PRSS12: variants seen among roughly 807,000 people sequenced by gnomAD.
PRSS12 encodes the protein serine protease 12, also known as neurotrypsin.
A neutral mutation model predicts 104.4 loss-of-function variants in PRSS12; 85 were observed. That is an observed-to-expected ratio of 0.81 (90% confidence interval 0.68 to 0.98). The LOEUF (loss-of-function observed/expected upper bound fraction) is 0.98, where lower values mean the gene tolerates loss of function less well. Ranked by LOEUF, PRSS12 falls within the 50% of genes least tolerant of loss-of-function variation. The pLI, the probability that PRSS12 is intolerant of heterozygous loss-of-function variation, is 0.00. For synonymous variants in PRSS12, 454 were observed against 425.2 expected, an observed-to-expected ratio of 1.07 and a Z score of -0.83; for missense variants, 1,141 against 1,139.2, an observed-to-expected ratio of 1.00 and a Z score of -0.02.
At chr4:118,337,243 T>A (rs1020499833) in intron 2 of PRSS12, among the ~76,000 whole-genome samples, 19 of 152,320 alleles carry the variant, frequency 1.2e-4, no homozygotes, top group Non-Finnish European at 2.4e-4. Flanking sequence ...ACTGCAAACC[T>A]CTTTTTCAGT....
intron 12 of PRSS12, among the ~76,000 whole-genome samples, chr4:118,282,515 T>A (rs1306073149): frequency 1.3e-5 from 2 of 152,216 alleles, no homozygotes; most frequent in Non-Finnish European, 2.9e-5. Context: ...TAAGAAAGCA[T>A]ATTTGTGCAG....
rs1370479981 is a variant in PRSS12, at chr4:118,318,881, AGTTT to A, written c.972-329_972-326del. The stretch of plus-strand genomic sequence containing the variant: ...GGCCTCCCCTCCTTCTTGATGACTA[AGTTT>A]GTTTGTTTGTGGTAAAATAAACATA... On this transcript the variant is annotated intron_variant, in intron 4 of 12. Transcript: ENST00000296498. Among the ~76,000 whole-genome samples, 8 of 152,240 alleles carry A rather than the reference AGTTT, an allele frequency of 5.3e-5. No individual in the cohort carries two copies. In the South Asian group the frequency reaches 1.5e-3, roughly 28 times the overall value.
chr4:118,340,343 G>C (rs1469276801), intron 1 of PRSS12, among the ~76,000 whole-genome samples: 1 of 152,082 alleles, frequency 6.6e-6, no homozygotes, highest in Non-Finnish European at 1.5e-5. Flanking sequence ...ACAAATATTT[G>C]CAATTCTTAA....
intron 4 of PRSS12, among the ~76,000 whole-genome samples, chr4:118,322,013 T>C (rs1013014539): frequency 3.9e-5 from 6 of 152,168 alleles, no homozygotes; most frequent in African/African-American, 9.7e-5. Context: ...GGTAGAGATA[T>C]ATCTAATGAG....
chr4:118,338,754 A>C (rs1724125323), intron 1 of PRSS12, among the ~76,000 whole-genome samples: 1 of 152,186 alleles, frequency 6.6e-6, no homozygotes, highest in Non-Finnish European at 1.5e-5. Flanking sequence ...TAAGAAACAC[A>C]GAAACAAAAT....
chr4:118,295,408 T>C (rs1385190231), intron 10 of PRSS12, among the ~76,000 whole-genome samples: 1 of 152,182 alleles, frequency 6.6e-6, no homozygotes, highest in Non-Finnish European at 1.5e-5. Flanking sequence ...TTTAATAAAG[T>C]TTTCCATGAG....
At chr4:118,316,017 A>G (rs1743898483) in intron 6 of PRSS12, among the ~76,000 whole-genome samples, 165 bp downstream of exon 6, 1 of 152,218 alleles carries the variant, frequency 6.6e-6, no homozygotes, top group African/African-American at 2.4e-5. Context: ...GTGGTTATTC[A>G]TCATCTTAGA....
intron 10 of PRSS12, 81 bp downstream of exon 10, chr4:118,295,697 A>G (rs1743236918): frequency 7.6e-7 from 1 of 1,309,594 alleles, no homozygotes; most frequent in Non-Finnish European, 1.1e-6. Context: ...CCCTTATATA[A>G]CAGAACATCC....
At chr4:118,312,958 G>A (rs1332909363) in intron 7 of PRSS12, 5 of 529,780 alleles carry the variant, frequency 9.4e-6, no homozygotes, top group Non-Finnish European at 1.7e-5. Flanking sequence ...TGTAAACATT[G>A]TTAGTGAGGA....
chr4:118,330,780 G>C (rs114567932), intron 4 of PRSS12, among the ~76,000 whole-genome samples: 1,837 of 152,264 alleles, frequency 0.012, 42 homozygotes, highest in African/African-American at 0.042. Context: ...TATAGACAAA[G>C]TGTTAAAGTG....
chr4:118,308,296 G>T, intron 8 of PRSS12, 140 bp downstream of exon 8: 1 of 1,160,960 alleles, frequency 8.6e-7, no homozygotes, highest in Non-Finnish European at 1.3e-6. Flanking sequence ...TTATAATTCT[G>T]GATCAAATCA....
At chr4:118,308,288 A>T in intron 8 of PRSS12, 148 bp downstream of exon 8, 1 of 1,096,876 alleles carries the variant, frequency 9.1e-7, no homozygotes, top group Non-Finnish European at 1.3e-6. Flanking sequence ...TTACTTCTTT[A>T]TAATTCTGGA....
intron 1 of PRSS12, among the ~76,000 whole-genome samples, chr4:118,350,980 G>A (rs1037210273): frequency 2.0e-5 from 3 of 152,130 alleles, no homozygotes; most frequent in Non-Finnish European, 2.9e-5. Flanking sequence ...GACAATGCTA[G>A]CACTCTTTGT....
At chr4:118,307,426 G>T (rs1049287316) in intron 8 of PRSS12, among the ~76,000 whole-genome samples, 3 of 152,180 alleles carry the variant, frequency 2.0e-5, no homozygotes, top group Non-Finnish European at 4.4e-5. Context: ...TATTTAAAAT[G>T]AACACAGATA....
At chr4:118,306,836 A>G (rs564343120) in intron 8 of PRSS12, among the ~76,000 whole-genome samples, 1 of 152,200 alleles carries the variant, frequency 6.6e-6, no homozygotes, top group East Asian at 1.9e-4. Context: ...GAATATGCCT[A>G]GAAAATTTTT....
chr4:118,305,518 T>C (rs1743525205), intron 8 of PRSS12, among the ~76,000 whole-genome samples: 1 of 152,112 alleles, frequency 6.6e-6, no homozygotes, highest in South Asian at 2.1e-4. Flanking sequence ...AGTTTGGACA[T>C]ATGCATGTAT....
At chr4:118,294,212 A>G (rs142938536) in intron 11 of PRSS12, among the ~76,000 whole-genome samples, 4 of 152,348 alleles carry the variant, frequency 2.6e-5, no homozygotes, top group East Asian at 1.9e-4. Flanking sequence ...AAATAGTACA[A>G]TGAAACTCTG....
Position 118,347,186 on chromosome 4 carries a change from T to C in PRSS12, c.502+5033A>G, listed in dbSNP as rs546730354. ...AGCAGATTGAGCTCAATATTTAAAA[T>C]CAACCAGGAAATGTATCAAATCTGG... On this transcript the variant is annotated intron_variant, in intron 1 of 12. Transcript: ENST00000296498. Among the ~76,000 whole-genome samples the C allele has an allele frequency of 2.8e-4, 43 of 152,302 alleles. No homozygotes were observed. The South Asian group carries it at 8.5e-3, about 30-fold the overall frequency.
intron 7 of PRSS12, among the ~76,000 whole-genome samples, chr4:118,312,021 G>A (rs1041866134): frequency 2.6e-5 from 4 of 152,022 alleles, no homozygotes; most frequent in Non-Finnish European, 5.9e-5. Flanking sequence ...TCAAAAGAAG[G>A]GGCAAGGGAA....
Sources: allele counts gnomAD v4.1 joint callset (sites outside exome capture counted in the v4.1 genomes callset), GRCh38; gene constraint gnomAD v4.1.1; transcripts MANE v1.5; gene names NCBI Gene and HGNC (gene_info 2026-07-23, HGNC 2026-07-21).